The following ATP2C1 variants were observed in gnomAD, a reference collection of about 807,000 sequenced individuals.
ATP2C1 encodes calcium-transporting ATPase type 2C member 1.
ATP2C1 carries 31 observed loss-of-function variants against 120.5 expected under a neutral mutation model. That is an observed-to-expected ratio of 0.26 (90% CI 0.19 to 0.35). The LOEUF (loss-of-function observed/expected upper bound fraction) is 0.35. Among genes scored for constraint, ATP2C1 ranks in the 10% least tolerant of loss-of-function variants. The pLI, the probability that ATP2C1 is intolerant of heterozygous loss-of-function variation, is 1.00. For missense variants in ATP2C1, 731 were observed against 1,107.5 expected (o/e 0.66, Z 4.83); for synonymous variants, 351 against 358.7 (o/e 0.98, Z 0.24).
At chr3:130,941,547 A>AT in intron 7 of ATP2C1, 44 bp from the exon 8 acceptor site, 1 of 1,489,496 alleles carries the variant, frequency 6.7e-7, no homozygotes, top group Non-Finnish European at 9.4e-7. Flanking sequence ...AAGTTGCATG[A>AT]ATTTTTTTTT....
At chr3:130,930,196 C>G in intron 2 of ATP2C1, 1 of 533,936 alleles carries the variant, frequency 1.9e-6, no homozygotes, top group African/African-American at 1.9e-5. Flanking sequence ...TGTGTTCTAG[C>G]TGGGCACCGA....
At chr3:130,861,156 T>A (rs1313528633) in intron 1 of ATP2C1, among the ~76,000 whole-genome samples, 1 of 152,036 alleles carries the variant, frequency 6.6e-6, no homozygotes, top group Non-Finnish European at 1.5e-5. Context: ...GTAGTCCTAG[T>A]TACTCGGGAG....
At chr3:130,992,735 G>A (rs2273949) in intron 20 of ATP2C1, among the ~76,000 whole-genome samples, 2,092 of 152,294 alleles carry the variant, frequency 0.014, 30 homozygotes, top group East Asian at 0.074. Flanking sequence ...GACTTGTTTA[G>A]ATTGTGTATT....
intron 1 of ATP2C1, among the ~76,000 whole-genome samples, chr3:130,854,618 A>G (rs1745649): frequency 0.46 from 69,459 of 152,002 alleles, 19,242 homozygotes; most frequent in Non-Finnish European, 0.61. Flanking sequence ...TGGGCTGACT[A>G]TAGTCTAGCT....
At chr3:130,857,210 A>G (rs1408672218) in intron 1 of ATP2C1, among the ~76,000 whole-genome samples, 1 of 152,242 alleles carries the variant, frequency 6.6e-6, no homozygotes, top group Non-Finnish European at 1.5e-5. Flanking sequence ...AAAAAATAAA[A>G]AGCTACCAAT....
intron 1 of ATP2C1, among the ~76,000 whole-genome samples, chr3:130,887,857 A>G (rs1202925380): frequency 1.3e-5 from 2 of 152,142 alleles, no homozygotes; most frequent in Non-Finnish European, 2.9e-5. Context: ...GTGCAAAACT[A>G]AGTCCTCTTT....
intron 20 of ATP2C1, among the ~76,000 whole-genome samples, chr3:130,986,643 A>G (rs1335786130): frequency 6.6e-6 from 1 of 152,228 alleles, no homozygotes; most frequent in Admixed American, 6.5e-5. Flanking sequence ...GCTTAAATTC[A>G]TCCTACTTTA....
At chr3:130,859,322 C>G (rs2067942413) in intron 1 of ATP2C1, among the ~76,000 whole-genome samples, 1 of 152,166 alleles carries the variant, frequency 6.6e-6, no homozygotes, top group Admixed American at 6.5e-5. Context: ...AGGTAAAAAA[C>G]AAAAGTTACA....
At chr3:130,965,269 C>G (rs1425443111) in intron 14 of ATP2C1, among the ~76,000 whole-genome samples, 1 of 152,002 alleles carries the variant, frequency 6.6e-6, no homozygotes, top group Non-Finnish European at 1.5e-5. Context: ...TTTCAGTCAC[C>G]CCTTCATCTA....
At chr3:130,996,628 A>T (rs891640434) in intron 23 of ATP2C1, 52 bp from the exon 24 acceptor site, 2 of 1,192,116 alleles carry the variant, frequency 1.7e-6, no homozygotes, top group East Asian at 4.7e-5. Context: ...GGTATCATAG[A>T]ATCAACAGAT....
In ATP2C1 at chr3:130,913,253, TA is replaced by T. The variant is rs1159093990; in HGVS notation, c.7-17160del. Among the ~76,000 whole-genome samples, 3 of 150,280 alleles carry T rather than the reference TA, an allele frequency of 2.0e-5. No individual in the cohort carries two copies. In the East Asian group the frequency reaches 5.8e-4, roughly 29 times the overall value. On this transcript the variant is annotated intron_variant, in intron 2 of 27. Transcript: ENST00000510168. ...CTAAAACTTAAAGTATAATAAAAAATAAATAAATTTAAAAAAAAAAAAGAAT... is the reference window on the plus strand; with the variant it reads ...CTAAAACTTAAAGTATAATAAAAAATAATAAATTTAAAAAAAAAAAAGAAT...
At chr3:130,853,364 T>C (rs2067737151) in intron 1 of ATP2C1, among the ~76,000 whole-genome samples, 1 of 152,144 alleles carries the variant, frequency 6.6e-6, no homozygotes, top group South Asian at 2.1e-4. Context: ...AGGTAGATAA[T>C]GTTTTTCAAT....
Position 130,996,789 on chromosome 3 carries a change from G to T in ATP2C1, c.2236G>T (p.Ala746Ser). The T allele has an allele frequency of 6.3e-7, 1 of 1,597,346 alleles. No individual in the cohort carries two copies. Among genetic ancestry groups the T allele is most frequent in the Non-Finnish European group, 8.6e-7 (1 of 1,164,802 alleles). The change falls in exon 24 of 28, where the codon GCT (alanine) becomes TCT (serine). Residue 746 changes from alanine to serine, a missense_variant. Coordinates refer to ENST00000510168, the MANE Select transcript of ATP2C1 (RefSeq NM_001378687.1). ...WINIIMDGPPAQSLGVEPVDK... is the reference protein window; with the variant it reads ...WINIIMDGPPSQSLGVEPVDK... The stretch of plus-strand genomic sequence containing the variant: ...CAATATTATTATGGATGGACCCCCA[G>T]CTCAGAGGTACGAGTTTTTTAATTG...
At chr3:130,988,418 T>C (rs1236375648) in intron 20 of ATP2C1, among the ~76,000 whole-genome samples, 3 of 152,194 alleles carry the variant, frequency 2.0e-5, no homozygotes, top group Non-Finnish European at 4.4e-5. Flanking sequence ...GGCCTTGTTC[T>C]ACTCTCTTTG....
intron 2 of ATP2C1, among the ~76,000 whole-genome samples, chr3:130,907,651 A>C (rs2058197033): frequency 6.6e-6 from 1 of 150,980 alleles, no homozygotes; most frequent in South Asian, 2.1e-4. Context: ...TAAGTACCAT[A>C]ATGTTTTGAT....
At chr3:130,996,944 A>G (rs1044067986) in intron 24 of ATP2C1, 148 bp downstream of exon 24, 5 of 688,622 alleles carry the variant, frequency 7.3e-6, no homozygotes, top group Admixed American at 4.3e-5. Context: ...TGATGTGTGT[A>G]TTTTATTAAT....
At chr3:130,994,886 G>A (rs1308560583) in intron 22 of ATP2C1, among the ~76,000 whole-genome samples, 4 of 152,116 alleles carry the variant, frequency 2.6e-5, no homozygotes, top group African/African-American at 9.7e-5. Flanking sequence ...AAAAAGCATA[G>A]ATTTTCCTGG....
At chr3:130,908,187 G>C (rs1253967644) in intron 2 of ATP2C1, among the ~76,000 whole-genome samples, 1 of 152,012 alleles carries the variant, frequency 6.6e-6, no homozygotes, top group Admixed American at 6.6e-5. Context: ...TAAAAAATAT[G>C]AACAACCAAA....
intron 19 of ATP2C1, 48 bp downstream of exon 19, chr3:130,979,467 A>G: frequency 6.4e-7 from 1 of 1,566,440 alleles, no homozygotes; most frequent in South Asian, 1.1e-5. Context: ...TTCTTAAAAT[A>G]CTGTGGTGCA....
Sources: allele counts gnomAD v4.1 joint callset (sites outside exome capture counted in the v4.1 genomes callset), GRCh38; gene constraint gnomAD v4.1.1; transcripts MANE v1.5; gene names NCBI Gene and HGNC (gene_info 2026-07-23, HGNC 2026-07-21).